TOP1: variants seen among roughly 807,000 people sequenced by gnomAD.
TOP1 encodes DNA topoisomerase I.
A neutral mutation model predicts 111.1 loss-of-function variants in TOP1; 10 were observed. The observed-to-expected ratio is 0.09, with a 90% CI of 0.06 to 0.15. The LOEUF is 0.15. Among genes scored for constraint, TOP1 ranks in the 10% least tolerant of loss-of-function variants. The pLI is 1.00. For missense variants in TOP1, 474 were observed against 926.7 expected, an observed-to-expected ratio of 0.51 and a Z score of 6.34; for synonymous variants, 271 against 302.9, an observed-to-expected ratio of 0.89 and a Z score of 1.10.
rs1224523294 is a variant in TOP1, at chr20:41,106,008, T to C, written c.1308+4655T>C. On this transcript the variant is annotated intron_variant, in intron 13 of 20. Coordinates refer to ENST00000361337, the MANE Select transcript of TOP1 (RefSeq NM_003286.4). This position sits in a 1 kb window ranked among gnomAD's most constrained non-coding sequence, Gnocchi z 4.3. ...CCACCCACAACAGTATTCCTCTTTT[T>C]CCATATCCTTGCTAATGTTTCTAAA... Among the ~76,000 whole-genome samples the C allele has an allele frequency of 6.7e-6, 1 of 149,772 alleles. No homozygotes were observed. Among genetic ancestry groups the C allele is most frequent in the Admixed American group, 6.7e-5 (1 of 15,016 alleles).
Position 41,094,334 on chromosome 20 carries a change from G to A in TOP1, c.730+1747G>A, listed in dbSNP as rs1289193382. Among the ~76,000 whole-genome samples the A allele has an allele frequency of 6.6e-6, 1 of 152,066 alleles. No individual in the cohort carries two copies. The highest frequency in any genetic ancestry group is 1.5e-5 in the Non-Finnish European group (1 of 68,008). On this transcript the variant is annotated intron_variant, in intron 9 of 20. Coordinates refer to ENST00000361337, the MANE Select transcript of TOP1 (RefSeq NM_003286.4). The surrounding 1 kb of genome is among the most constrained non-coding windows in gnomAD (Gnocchi z 4.4). The stretch of plus-strand genomic sequence containing the variant: ...GCCAAAACTCCTAATTAAGAGAAAG[G>A]GCCTAGAACCTTGAAGAGCACCATC...
Position 41,046,143 on chromosome 20 carries a change from G to A in TOP1, c.59-15251G>A, listed in dbSNP as rs183966470. Among the ~76,000 whole-genome samples the A allele has an allele frequency of 9.8e-5, 15 of 152,290 alleles. No homozygotes were observed. Among genetic ancestry groups the A allele is most frequent in the Admixed American group, 3.9e-4 (6 of 15,302 alleles). ...AAAATGAATAGGAATGAAATAAATA[G>A]CTGATATTTGAACATTTTTAATGCC... On this transcript the variant is annotated intron_variant, in intron 2 of 20. Coordinates refer to ENST00000361337, the MANE Select transcript of TOP1 (RefSeq NM_003286.4). This position sits in a 1 kb window ranked among gnomAD's most constrained non-coding sequence, Gnocchi z 4.3.
At chr20:41,113,597 G>T (rs1288821395) in intron 14 of TOP1, among the ~76,000 whole-genome samples, 1 of 151,902 alleles carries the variant, frequency 6.6e-6, no homozygotes, top group African/African-American at 2.4e-5. Flanking sequence ...GGGTCAAAAG[G>T]CTGGGCGCAG....
In TOP1 at chr20:41,116,313, G is replaced by T; in HGVS notation, c.1743G>T (p.Met581Ile). 1 of 1,613,038 alleles carries T rather than the reference G, an allele frequency of 6.2e-7. No individual in the cohort carries two copies. Among genetic ancestry groups the T allele is most frequent in the Non-Finnish European group, 8.5e-7 (1 of 1,179,922 alleles). ...TGAATAAGCATCTTCAGGATCTCAT[G>T]GAGGGCTTGACAGCCAAGGTATTCC... ...GILNKHLQDL[M>I]EGLTAKVFRT... The change falls in exon 17 of 21, where the codon ATG (methionine) becomes ATT (isoleucine). Residue 581 changes from methionine (M) to isoleucine (I), a missense_variant. Physicochemically the swap from Met to Ile is conservative, Grantham distance 10 (BLOSUM62 1). This residue lies in a region of TOP1 where 18 missense variants were observed against 88.6 expected (regional missense o/e 0.20). Transcript: ENST00000361337. The surrounding 1 kb of genome is among the most constrained non-coding windows in gnomAD (Gnocchi z 5.6).
chr20:41,071,495 C>T lies in TOP1; in HGVS notation c.156-4676C>T, dbSNP rs915424467. Reference sequence around the variant, plus strand: ...CAGTAGCTGGGATTACAGGCATGTGCCACCACGCCCAGCTAATTTTTGTAT... The same window carrying T: ...CAGTAGCTGGGATTACAGGCATGTGTCACCACGCCCAGCTAATTTTTGTAT... On this transcript the variant is annotated intron_variant, in intron 3 of 20. Transcript: ENST00000361337. This position sits in a 1 kb window ranked among gnomAD's most constrained non-coding sequence, Gnocchi z 4.3. 7.2e-5 allele frequency among the ~76,000 whole-genome samples: 11 copies of T among 152,226 alleles called. No individual in the cohort carries two copies. Among genetic ancestry groups the T allele is most frequent in the Admixed American group, 1.3e-4 (2 of 15,282 alleles).
intron 13 of TOP1, among the ~76,000 whole-genome samples, chr20:41,111,243 A>G (rs2034235012): frequency 6.6e-6 from 1 of 152,188 alleles, no homozygotes; most frequent in African/African-American, 2.4e-5. Flanking sequence ...CATGTGTAAG[A>G]ACAGTTGTCA....
intron 7 of TOP1, 28 bp downstream of exon 7, chr20:41,081,268 G>A: frequency 6.3e-7 from 1 of 1,574,982 alleles, no homozygotes; most frequent in Non-Finnish European, 8.6e-7. Flanking sequence ...GGTCCTTTGG[G>A]GCTTGAGTTT....
chr20:41,072,102 C>A (rs1204955121), intron 3 of TOP1, among the ~76,000 whole-genome samples: 5 of 152,186 alleles, frequency 3.3e-5, no homozygotes, highest in African/African-American at 4.8e-5. Flanking sequence ...GGTTTTTATC[C>A]TTTCAGGGTA....
rs1229588785 is a variant in TOP1, at chr20:41,069,456, A to G, written c.156-6715A>G. Among the ~76,000 whole-genome samples the G allele has an allele frequency of 6.6e-6, 1 of 152,220 alleles. No homozygotes were observed. Among genetic ancestry groups the G allele is most frequent in the East Asian group, 1.9e-4 (1 of 5,194 alleles). ...GAATAGCACACTAAGATAAAAGTTA[A>G]GAGGCTGGGTTCTGTCATTTATAAG... is the stretch of plus-strand genomic sequence containing the variant. On this transcript the variant is annotated intron_variant, in intron 3 of 20. Transcript: ENST00000361337. This position sits in a 1 kb window ranked among gnomAD's most constrained non-coding sequence, Gnocchi z 4.1.
chr20:41,075,954 G>A (rs1036612463), intron 3 of TOP1, among the ~76,000 whole-genome samples: 1 of 152,118 alleles, frequency 6.6e-6, no homozygotes, highest in Non-Finnish European at 1.5e-5. Context: ...AAATGTCCTG[G>A]TGTGTCTAGA....
chr20:41,059,217 G>A (rs562326487), intron 2 of TOP1, among the ~76,000 whole-genome samples: 1 of 151,856 alleles, frequency 6.6e-6, no homozygotes, highest in Non-Finnish European at 1.5e-5. Context: ...TAATTAGTGG[G>A]TACTAGGCTT....
chr20:41,034,933 G>T lies in TOP1; in HGVS notation c.58+5478G>T, dbSNP rs138291606. On this transcript the variant is annotated intron_variant, in intron 2 of 20. Coordinates refer to ENST00000361337, the MANE Select transcript of TOP1 (RefSeq NM_003286.4). The surrounding 1 kb of genome is among the most constrained non-coding windows in gnomAD (Gnocchi z 4.0). ...CAGACAGGGTTTCTGTTTGTTGCCC[G>T]GGCTGGAGCGCAGTAGTGTGATTGC... is the stretch of plus-strand genomic sequence containing the variant. Among the ~76,000 whole-genome samples the T allele has an allele frequency of 6.6e-6, 1 of 151,732 alleles. No individual in the cohort carries two copies. The highest frequency in any genetic ancestry group is 2.1e-4 in the South Asian group (1 of 4,816).
chr20:41,092,067 A>G lies in TOP1; in HGVS notation c.615-405A>G, dbSNP rs1379953888. On this transcript the variant is annotated intron_variant, in intron 8 of 20. Transcript: ENST00000361337. This position sits in a 1 kb window ranked among gnomAD's most constrained non-coding sequence, Gnocchi z 4.3. The stretch of plus-strand genomic sequence containing the variant: ...TTCTCATAGGGTTGTTTTCTCCTCT[A>G]CCTTCCATCTGACGTCACCACTCTG... Among the ~76,000 whole-genome samples the G allele has an allele frequency of 6.6e-6, 1 of 151,950 alleles. No individual in the cohort carries two copies.
At position 41,110,482 on chromosome 20, in the gene TOP1, C is replaced by G. The variant is rs148706010; in HGVS notation, c.1309-2300C>G. Among the ~76,000 whole-genome samples the G allele has an allele frequency of 3.3e-5, 5 of 152,300 alleles. No homozygotes were observed. The East Asian group carries it at 9.6e-4, about 29-fold the overall frequency. On this transcript the variant is annotated intron_variant, in intron 13 of 20. Transcript: ENST00000361337. This position sits in a 1 kb window ranked among gnomAD's most constrained non-coding sequence, Gnocchi z 4.2. The stretch of plus-strand genomic sequence containing the variant: ...CAAATGTCCTCTTCCCCATTACAAA[C>G]GTCTGAGAAAGTTACTAGAAAACAG...
chr20:41,068,090 T>C (rs2033628591), intron 3 of TOP1, among the ~76,000 whole-genome samples: 2 of 152,228 alleles, frequency 1.3e-5, no homozygotes, highest in South Asian at 4.1e-4. Context: ...GAGTTAGTTT[T>C]GTAGCTAAAC....
At chr20:41,107,534 T>C (rs2034165972) in intron 13 of TOP1, among the ~76,000 whole-genome samples, 1 of 152,226 alleles carries the variant, frequency 6.6e-6, no homozygotes, top group Non-Finnish European at 1.5e-5. Context: ...TTACCACTTT[T>C]TGTTTTCAAA....
rs572774924 is a variant in TOP1, at chr20:41,061,273, G to A, written c.59-121G>A. On this transcript the variant is annotated intron_variant, in intron 2 of 20. Coordinates refer to ENST00000361337, the MANE Select transcript of TOP1 (RefSeq NM_003286.4). The surrounding 1 kb of genome is among the most constrained non-coding windows in gnomAD (Gnocchi z 4.6). ...AAAGCTTTTTTTTTCAGTGGCATGT[G>A]CTATTATGCCTACCATGCCATTTGA... 1.2e-6 allele frequency: 1 copy of A among 840,360 alleles called. No individual in the cohort carries two copies. The highest frequency in any genetic ancestry group is 2.1e-5 in the South Asian group (1 of 47,076). 52.1% of individuals were successfully genotyped at this position (840,360 alleles called of 1,614,324 possible).
At chr20:41,057,331 G>A (rs1326133359) in intron 2 of TOP1, among the ~76,000 whole-genome samples, 7 of 151,294 alleles carry the variant, frequency 4.6e-5, no homozygotes, top group Admixed American at 4.6e-4. Context: ...GCAGTGAGCC[G>A]AGATCACACC....
At chr20:41,031,431 A>T (rs1048896307) in intron 2 of TOP1, among the ~76,000 whole-genome samples, 1 of 152,204 alleles carries the variant, frequency 6.6e-6, no homozygotes, top group African/African-American at 2.4e-5. Flanking sequence ...CATGGTTCTC[A>T]CCTAAGTCAC....
Sources: gnomAD v4.1 joint callset for allele counts (sites outside exome capture counted in the v4.1 genomes callset) on GRCh38, gnomAD v4.1.1 for gene constraint, gnomAD v4.1.1 regional missense constraint, Gnocchi (gnomAD v3.1) non-coding constraint, MANE v1.5 for transcripts, NCBI Gene and HGNC (gene_info 2026-07-23, HGNC 2026-07-21) for gene names.